Variants in TEX11 observed in about 807,000 individuals in gnomAD.
TEX11 encodes the protein testis expressed 11.
A neutral mutation model predicts 84.4 loss-of-function variants in TEX11; 7 were observed. The observed-to-expected ratio is 0.08, with a 90% CI of 0.05 to 0.16. The LOEUF (loss-of-function observed/expected upper bound fraction) is 0.16. Among genes scored for constraint, TEX11 ranks in the 10% least tolerant of loss-of-function variants. The pLI, the probability that TEX11 is intolerant of heterozygous loss-of-function variation, is 1.00. For synonymous variants in TEX11, 264 were observed against 222.8 expected, an observed-to-expected ratio of 1.18 and a Z score of -1.64; for missense variants, 551 against 660.5, an observed-to-expected ratio of 0.83 and a Z score of 1.82.
At chrX:70,829,170 TCATGGGTAATAGTAAGCACAA>T (rs2091362439) in intron 8 of TEX11, among the ~76,000 whole-genome samples, 2 of 111,485 alleles carry the variant, frequency 1.8e-5, no homozygotes, top group African/African-American at 6.5e-5. Context: ...GGTACAAAAC[TCATGGGTAATAGTAAGCACAA>T]GGCTGGACAG....
chrX:70,694,278 C>T (rs1434423420), intron 13 of TEX11, among the ~76,000 whole-genome samples: 1 of 111,424 alleles, frequency 9.0e-6, no homozygotes, highest in Non-Finnish European at 1.9e-5. Flanking sequence ...CTCTTGACCT[C>T]GTGATCTGCC....
intron 11 of TEX11, among the ~76,000 whole-genome samples, chrX:70,735,259 C>T (rs998563493): frequency 1.6e-4 from 18 of 110,980 alleles, no homozygotes; most frequent in African/African-American, 5.6e-4. Context: ...ACCATGTTGG[C>T]CGGGTTGGTC....
At chrX:70,852,191 TTTTG>T (rs761966268) in intron 7 of TEX11, among the ~76,000 whole-genome samples, 10 of 111,890 alleles carry the variant, frequency 8.9e-5, no homozygotes, top group African/African-American at 2.9e-4. Flanking sequence ...TTCATTGTTG[TTTTG>T]TTTGTTTGTT....
At chrX:70,556,842 A>C (rs2088292927) in intron 25 of TEX11, among the ~76,000 whole-genome samples, 1 of 111,669 alleles carries the variant, frequency 9.0e-6, no homozygotes, top group Non-Finnish European at 1.9e-5. Context: ...AAAAGGAATA[A>C]AAACATCAAT....
chrX:70,581,902 G>T (rs2088781406), intron 25 of TEX11, among the ~76,000 whole-genome samples: 1 of 111,786 alleles, frequency 8.9e-6, no homozygotes, highest in Admixed American at 9.5e-5. Flanking sequence ...AAAGGGAAAA[G>T]TAGTTTGTTT....
intron 25 of TEX11, among the ~76,000 whole-genome samples, chrX:70,575,488 T>C (rs971215760): frequency 9.0e-6 from 1 of 111,426 alleles, no homozygotes; most frequent in Non-Finnish European, 1.9e-5. Flanking sequence ...CACACAGCAC[T>C]AACTTTTCTT....
At chrX:70,627,675 T>C (rs1167217558) in intron 18 of TEX11, among the ~76,000 whole-genome samples, 1 of 111,673 alleles carries the variant, frequency 9.0e-6, no homozygotes. Context: ...GCCTGCTTAA[T>C]ACCCCACTCT....
intron 25 of TEX11, among the ~76,000 whole-genome samples, chrX:70,572,811 T>C (rs1225323778): frequency 6.0e-5 from 5 of 83,550 alleles, no homozygotes; most frequent in Non-Finnish European, 8.6e-5. Flanking sequence ...TGAGAACACA[T>C]GGACACAGGA....
chrX:70,538,288 G>A (rs2087988509), intron 28 of TEX11, among the ~76,000 whole-genome samples: 1 of 110,937 alleles, frequency 9.0e-6, no homozygotes, highest in Admixed American at 9.7e-5. Flanking sequence ...GAGGGAAAGG[G>A]AGTGATAGAG....
intron 16 of TEX11, among the ~76,000 whole-genome samples, chrX:70,659,223 T>A (rs1314850997): frequency 8.9e-6 from 1 of 112,054 alleles, no homozygotes; most frequent in African/African-American, 3.2e-5. Flanking sequence ...TCATCAAAAA[T>A]TTTTTAAAAT....
intron 14 of TEX11, among the ~76,000 whole-genome samples, chrX:70,681,127 C>T (rs2090144631): frequency 8.9e-6 from 1 of 112,812 alleles, no homozygotes; most frequent in Non-Finnish European, 1.9e-5. Context: ...TTCTGCACCT[C>T]CTCTTCTGCC....
chrX:70,816,633 A>C (rs2091287521), intron 8 of TEX11, among the ~76,000 whole-genome samples: 1 of 108,858 alleles, frequency 9.2e-6, no homozygotes, highest in African/African-American at 3.4e-5. Flanking sequence ...AATCGCTTGA[A>C]CCTGGGAGGC....
chrX:70,563,646 T>C (rs2088408471), intron 25 of TEX11, among the ~76,000 whole-genome samples: 2 of 107,510 alleles, frequency 1.9e-5, no homozygotes, highest in African/African-American at 6.8e-5. Flanking sequence ...AAATACAAAA[T>C]AAGGAGTAGT....
At chrX:70,846,901 G>A (rs2091482272) in intron 7 of TEX11, among the ~76,000 whole-genome samples, 1 of 110,360 alleles carries the variant, frequency 9.1e-6, no homozygotes, top group South Asian at 3.8e-4. Flanking sequence ...TACAACCTAG[G>A]CAACAGAGCA....
intron 16 of TEX11, among the ~76,000 whole-genome samples, chrX:70,667,787 C>T (rs1390610118): frequency 9.0e-6 from 1 of 110,901 alleles, no homozygotes; most frequent in South Asian, 3.8e-4. Context: ...ATTACCCAGG[C>T]GTGGTGGCCC....
Position 70,587,092 on chromosome X carries a change from C to G in TEX11, c.2140+4659G>C, listed in dbSNP as rs191746867. On this transcript the variant is annotated intron_variant, in intron 25 of 29. Coordinates refer to ENST00000374333, the MANE Select transcript of TEX11 (RefSeq NM_031276.3). ...TCTGGAACTATGAACTTGAGAGAGA[C>G]GATCTGAAATTGGAACTTATGTTTA... is the stretch of plus-strand genomic sequence containing the variant. Among the ~76,000 whole-genome samples, 9 of 111,640 alleles carry G rather than the reference C, an allele frequency of 8.1e-5. No homozygotes were observed. The Admixed American group carries it at 8.6e-4, about 11-fold the overall frequency.
chrX:70,724,370 C>T (rs1269829571), intron 12 of TEX11: 4 of 227,779 alleles, frequency 1.8e-5, no homozygotes, highest in Non-Finnish European at 2.5e-5. Flanking sequence ...TTCTAGAGGC[C>T]GCCGAAAGAT....
At chrX:70,711,717 A>C (rs1489080413) in intron 13 of TEX11, among the ~76,000 whole-genome samples, 2 of 110,939 alleles carry the variant, frequency 1.8e-5, no homozygotes, top group African/African-American at 6.6e-5. Flanking sequence ...AGATTGCAAA[A>C]ATTTTCTCCC....
chrX:70,753,223 G>C (rs1299275193), intron 9 of TEX11, among the ~76,000 whole-genome samples: 1 of 105,630 alleles, frequency 9.5e-6, no homozygotes, highest in Non-Finnish European at 2.0e-5. Context: ...CGAGGGGGGC[G>C]GGGAGGGCGT....
Sources: allele counts gnomAD v4.1 joint callset (sites outside exome capture counted in the v4.1 genomes callset), GRCh38; gene constraint gnomAD v4.1.1; transcripts MANE v1.5; gene names NCBI Gene and HGNC (gene_info 2026-07-23, HGNC 2026-07-21).